Variants in RIPK2 observed in about 807,000 individuals in gnomAD.
The protein encoded by RIPK2 is receptor-interacting serine/threonine-protein kinase 2.
RIPK2 carries 38 observed loss-of-function variants against 60.9 expected under a neutral mutation model. The observed-to-expected ratio is 0.62, with a 90% CI of 0.48 to 0.82. RIPK2 has a LOEUF of 0.82. Among genes scored for constraint, RIPK2 ranks in the 40% least tolerant of loss-of-function variants. The probability of loss-of-function intolerance (pLI) is 0.00; values close to 1 mark genes in which losing one functional copy is unlikely to be tolerated. For synonymous variants in RIPK2, 225 were observed against 223.4 expected (o/e 1.01, Z -0.06); for missense variants, 518 against 647.0 (o/e 0.80, Z 2.16).
chr8:89,773,014 C>CA (rs1331139820), intron 6 of RIPK2, among the ~76,000 whole-genome samples, 186 bp downstream of exon 6: 1 of 151,992 alleles, frequency 6.6e-6, no homozygotes, highest in Non-Finnish European at 1.5e-5. Context: ...GAATTCCTAA[C>CA]AAAAAAGAGA....
At position 89,758,135 on chromosome 8, in the gene RIPK2, C is replaced by T. The variant is rs1038769629; in HGVS notation, c.75C>T (p.Ser25=). The part of the protein sequence containing the change: ...YHKLADLRYL[S]RGASGTVSSA... ...AACTCGCCGACCTGCGCTACCTGAG[C>T]CGCGGCGCCTCTGGCACTGTGTCGT... Residue 25 remains serine (S), a synonymous_variant, in exon 1 of 11, where the codon AGC becomes AGT. Coordinates refer to ENST00000220751, the MANE Select transcript of RIPK2 (RefSeq NM_003821.6). 3.2e-5 allele frequency: 51 copies of T among 1,600,364 alleles called. No individual in the cohort carries two copies. Among genetic ancestry groups the T allele is most frequent in the Non-Finnish European group, 4.3e-5 (51 of 1,174,386 alleles).
intron 6 of RIPK2, among the ~76,000 whole-genome samples, chr8:89,776,222 G>A (rs930300959): frequency 3.9e-5 from 6 of 152,182 alleles, no homozygotes; most frequent in Admixed American, 6.5e-5. Flanking sequence ...GGAGCTGGAA[G>A]AATTCCTCCT....
intron 6 of RIPK2, among the ~76,000 whole-genome samples, chr8:89,775,024 G>C (rs1290185976): frequency 6.6e-6 from 1 of 152,040 alleles, no homozygotes; most frequent in Non-Finnish European, 1.5e-5. Context: ...GAAGACTGAT[G>C]TACATTTAAA....
At position 89,774,223 on chromosome 8, in the gene RIPK2, T is replaced by G. The variant is rs572602416; in HGVS notation, c.853+1395T>G. 6.6e-5 allele frequency among the ~76,000 whole-genome samples: 10 copies of G among 152,314 alleles called. No individual in the cohort carries two copies. In the South Asian group the frequency reaches 2.1e-3, roughly 32 times the overall value. ...AAGTCAATAATAGGACATATAGCCC[T>G]ATTTTTAAATGAGTAAAAGATTTGA... On this transcript the variant is annotated intron_variant, in intron 6 of 10. Coordinates refer to ENST00000220751, the MANE Select transcript of RIPK2 (RefSeq NM_003821.6).
chr8:89,779,567 G>A (rs752868290), intron 6 of RIPK2, among the ~76,000 whole-genome samples: 2 of 151,848 alleles, frequency 1.3e-5, no homozygotes, highest in Non-Finnish European at 2.9e-5. Context: ...TGATCTGTCC[G>A]CCTCGGCCTC....
intron 7 of RIPK2, among the ~76,000 whole-genome samples, chr8:89,782,038 C>T (rs958963121): frequency 2.0e-5 from 3 of 152,042 alleles, no homozygotes; most frequent in African/African-American, 4.8e-5. Context: ...TGCCTGTAGT[C>T]GTAGCTACTG....
intron 2 of RIPK2, 137 bp from the exon 3 acceptor site, chr8:89,765,204 G>A (rs1809207168): frequency 1.8e-6 from 1 of 547,100 alleles, no homozygotes. Flanking sequence ...TCAAATTGGT[G>A]CTATTTTATA....
intron 9 of RIPK2, among the ~76,000 whole-genome samples, chr8:89,787,733 G>A (rs36032938): frequency 0.081 from 12,316 of 152,198 alleles, 537 homozygotes; most frequent in Middle Eastern, 0.095. Flanking sequence ...AATTTTTTGA[G>A]CAAGGGAGTG....
rs1809637192 is a variant in RIPK2, at chr8:89,789,343, T to C, written c.1146T>C (p.Phe382=). ...FLSRKAQDCY[F]MKLHHCPGNH... ...TAGGAAAAGCTCAAGACTGTTATTTTATGAAGCTGCATCACTGTCCTGGAA... is the reference window on the plus strand; with the variant it reads ...TAGGAAAAGCTCAAGACTGTTATTTCATGAAGCTGCATCACTGTCCTGGAA... Residue 382 remains phenylalanine (F), a synonymous_variant, in exon 10 of 11, where the codon TTT becomes TTC. Coordinates refer to ENST00000220751, the MANE Select transcript of RIPK2 (RefSeq NM_003821.6). The C allele has an allele frequency of 6.2e-7, 1 of 1,614,012 alleles. No individual in the cohort carries two copies. The highest frequency in any genetic ancestry group is 2.2e-5 in the East Asian group (1 of 44,872).
chr8:89,762,264 A>C (rs2130543342), intron 1 of RIPK2, among the ~76,000 whole-genome samples: 1 of 152,298 alleles, frequency 6.6e-6, no homozygotes, highest in African/African-American at 2.4e-5. Context: ...GCAGTCTATT[A>C]ATATTATTGA....
Position 89,758,108 on chromosome 8 carries a change from C to T in RIPK2, c.48C>T (p.His16=). ...GCGCCCTGCCCACCATTCCCTACCA[C>T]AAACTCGCCGACCTGCGCTACCTGA... The part of the protein sequence containing the change: ...ICSALPTIPY[H]KLADLRYLSR... Residue 16 remains histidine (H), a synonymous_variant, in exon 1 of 11, where the codon CAC becomes CAT. Coordinates refer to ENST00000220751, the MANE Select transcript of RIPK2 (RefSeq NM_003821.6). The T allele has an allele frequency of 6.2e-7, 1 of 1,607,660 alleles. No individual in the cohort carries two copies.
At chr8:89,762,743 TG>T (rs1809165611) in intron 1 of RIPK2, 85 bp from the exon 2 acceptor site, 7 of 694,266 alleles carry the variant, frequency 1.0e-5, no homozygotes, top group Non-Finnish European at 1.5e-5. Context: ...AGCTAATTAA[TG>T]AAAAAAAATC....
chr8:89,789,148 T>C lies in RIPK2; in HGVS notation c.1124-173T>C, dbSNP rs185192505. 2.7e-3 allele frequency among the ~76,000 whole-genome samples: 409 copies of C among 152,282 alleles called. 2 individuals carry two copies. Among genetic ancestry groups the C allele is most frequent in the Admixed American group, 4.6e-3 (71 of 15,294 alleles). ...TAGTGAAAGCATTCCATATAAACCC[T>C]TTTTTGTTTTAAGAAATATCTACTT... On this transcript the variant is annotated intron_variant, in intron 9 of 10. Coordinates refer to ENST00000220751, the MANE Select transcript of RIPK2 (RefSeq NM_003821.6).
At chr8:89,779,221 G>C (rs1259476316) in intron 6 of RIPK2, among the ~76,000 whole-genome samples, 1 of 150,260 alleles carries the variant, frequency 6.7e-6, no homozygotes, top group East Asian at 1.9e-4. Flanking sequence ...AGTGTGCAAG[G>C]CTGCAGCTTA....
At chr8:89,788,807 A>G (rs542584076) in intron 9 of RIPK2, among the ~76,000 whole-genome samples, 72 of 149,206 alleles carry the variant, frequency 4.8e-4, no homozygotes, top group Non-Finnish European at 8.8e-4. Context: ...AGAGAGAGAG[A>G]GAGGGAGGGA....
At chr8:89,786,303 A>G (rs983083232) in intron 8 of RIPK2, among the ~76,000 whole-genome samples, 1 of 151,940 alleles carries the variant, frequency 6.6e-6, no homozygotes, top group African/African-American at 2.4e-5. Context: ...GCGAAACCCC[A>G]TTTCTACGAA....
rs71268283 is a variant in RIPK2 at position 89,784,141 on chromosome 8, T to TAAAAA, written c.1029+21_1029+25dup. ...CCTGTAAATCATGGTCCACAAGAGGTAAAAAAAAAAAAAAAAAAAAAAAGG... is the reference window on the plus strand; with the variant it reads ...CCTGTAAATCATGGTCCACAAGAGGTAAAAAAAAAAAAAAAAAAAAAAAAAAAAGG... On this transcript the variant is annotated splice_region_variant and intron_variant, in intron 8 of 10. Coordinates refer to ENST00000220751, the MANE Select transcript of RIPK2 (RefSeq NM_003821.6). 2.1e-4 allele frequency: 119 copies of TAAAAA among 558,254 alleles called. No individual in the cohort carries two copies. Among genetic ancestry groups the TAAAAA allele is most frequent in the African/African-American group, 1.2e-3 (38 of 32,968 alleles). The allele number at this position is 558,254 out of a possible 1,614,324, so 34.6% of individuals were successfully genotyped here.
chr8:89,785,570 C>G (rs1013714123), intron 8 of RIPK2, among the ~76,000 whole-genome samples: 1 of 151,944 alleles, frequency 6.6e-6, no homozygotes, highest in African/African-American at 2.4e-5. Flanking sequence ...GGTCCCAACC[C>G]CAAGATATCT....
chr8:89,758,954 G>A (rs1809099855), intron 1 of RIPK2, among the ~76,000 whole-genome samples: 1 of 152,076 alleles, frequency 6.6e-6, no homozygotes, highest in South Asian at 2.1e-4. Context: ...TTATTGGACC[G>A]CACTGCTTTA....
Sources: gnomAD v4.1 joint callset for allele counts (sites outside exome capture counted in the v4.1 genomes callset) on GRCh38, gnomAD v4.1.1 for gene constraint, MANE v1.5 for transcripts, NCBI Gene and HGNC (gene_info 2026-07-23, HGNC 2026-07-21) for gene names.